The following RPS6KA2 variants were observed in gnomAD, a reference collection of about 807,000 sequenced individuals.
RPS6KA2 encodes ribosomal protein S6 kinase alpha-2.
RPS6KA2 carries 42 observed loss-of-function variants against 91.8 expected under a neutral mutation model. That is an observed-to-expected ratio of 0.46 (90% CI 0.36 to 0.59). The LOEUF (loss-of-function observed/expected upper bound fraction) is 0.59. Among genes scored for constraint, RPS6KA2 ranks in the 20% least tolerant of loss-of-function variants. RPS6KA2 has a pLI of 0.00. For missense variants in RPS6KA2, 798 were observed against 978.5 expected (o/e 0.82, Z 2.46); for synonymous variants, 414 against 393.6 (o/e 1.05, Z -0.61).
At chr6:166,616,741 GC>G (rs1302406248) in intron 1 of RPS6KA2, among the ~76,000 whole-genome samples, 6 of 152,332 alleles carry the variant, frequency 3.9e-5, no homozygotes, top group Middle Eastern at 3.4e-3. Flanking sequence ...GGGCCTGATG[GC>G]CACATGTGGG....
In RPS6KA2 at chr6:166,436,754, C is replaced by T. The variant is rs532022305; in HGVS notation, c.1333-4264G>A. Among the ~76,000 whole-genome samples the T allele has an allele frequency of 1.0e-3, 159 of 152,326 alleles. 1 individual carries two copies. The South Asian group carries it at 0.028, about 27-fold the overall frequency. On this transcript the variant is annotated intron_variant, in intron 14 of 20. Transcript: ENST00000265678. ...GGTTTGCATGGGAAATGGCGCTCCCCGTCCTGGAAGGGAAGTCCCACAGAC... is the reference window on the plus strand; with the variant it reads ...GGTTTGCATGGGAAATGGCGCTCCCTGTCCTGGAAGGGAAGTCCCACAGAC...
chr6:166,771,448 T>C (rs1312162685), intron 2 of RPS6KA2, among the ~76,000 whole-genome samples: 1 of 152,140 alleles, frequency 6.6e-6, no homozygotes, highest in East Asian at 1.9e-4. Flanking sequence ...CCTTTCTTCT[T>C]CCCAAGCCTC....
rs1299756694 is a variant in RPS6KA2, at chr6:166,415,481, G to A, written c.1939-1550C>T. Among the ~76,000 whole-genome samples the A allele has an allele frequency of 3.3e-5, 5 of 152,308 alleles. No homozygotes were observed. In the East Asian group the frequency reaches 9.6e-4, roughly 29 times the overall value. ...AGGAAGAGGCACAGGGGAAAGACGG[G>A]GGATGTGGTGGTGGTAGGGACTGGT... On this transcript the variant is annotated intron_variant, in intron 19 of 20. Coordinates refer to ENST00000265678, the MANE Select transcript of RPS6KA2 (RefSeq NM_021135.6).
At position 166,767,023 on chromosome 6, in the gene RPS6KA2, G is replaced by T. The variant is rs960288915; in HGVS notation, c.123+91177C>A. On this transcript the variant is annotated intron_variant, in intron 2 of 21. Coordinates refer to the RPS6KA2 transcript ENST00000503859. The surrounding 1 kb of genome is among the most constrained non-coding windows in gnomAD (Gnocchi z 4.6). ...CCCCCGAACCCTGCTGCACCCAGAA[G>T]TCTGCACCAACTCACCGCCACGAGA... 6.6e-6 allele frequency among the ~76,000 whole-genome samples: 1 copy of T among 152,132 alleles called. No homozygotes were observed. The highest frequency in any genetic ancestry group is 2.4e-5 in the African/African-American group (1 of 41,430).
intron 2 of RPS6KA2, among the ~76,000 whole-genome samples, chr6:166,802,808 C>T (rs961602951): frequency 6.6e-6 from 1 of 152,148 alleles, no homozygotes; most frequent in African/African-American, 2.4e-5. Flanking sequence ...GAAAATTAGA[C>T]AAGCCATCTT....
In RPS6KA2 at chr6:166,554,893, T is replaced by C. The variant is rs956313791; in HGVS notation, c.100-16109A>G. Reference sequence around the variant, plus strand: ...TGTCTCCAGTTTTACAAAGGTCAATTGGTAATTTACAAAACCTGATTTTGA... The same window carrying C: ...TGTCTCCAGTTTTACAAAGGTCAATCGGTAATTTACAAAACCTGATTTTGA... On this transcript the variant is annotated intron_variant, in intron 1 of 20. Coordinates refer to ENST00000265678, the MANE Select transcript of RPS6KA2 (RefSeq NM_021135.6). This position sits in a 1 kb window ranked among gnomAD's most constrained non-coding sequence, Gnocchi z 4.3. Among the ~76,000 whole-genome samples the C allele has an allele frequency of 6.6e-6, 1 of 152,242 alleles. No individual in the cohort carries two copies. Among genetic ancestry groups the C allele is most frequent in the East Asian group, 1.9e-4 (1 of 5,200 alleles).
At chr6:166,739,654 A>T (rs570833761) in intron 2 of RPS6KA2, among the ~76,000 whole-genome samples, 1 of 152,382 alleles carries the variant, frequency 6.6e-6, no homozygotes, top group East Asian at 1.9e-4. Context: ...CCCCACGGTC[A>T]TTGAGACCAA....
chr6:166,778,667 G>A (rs1008804905), intron 2 of RPS6KA2, among the ~76,000 whole-genome samples: 84 of 152,338 alleles, frequency 5.5e-4, no homozygotes, highest in African/African-American at 1.9e-3. Context: ...TCGGGAGGCT[G>A]AGGCAGGAGA....
chr6:166,625,974 A>G (rs1786857660), intron 1 of RPS6KA2, among the ~76,000 whole-genome samples: 1 of 152,240 alleles, frequency 6.6e-6, no homozygotes, highest in Admixed American at 6.5e-5. Context: ...AAGAAAACCA[A>G]GATGAAACAT....
At chr6:166,649,011 C>A (rs1215828945) in intron 2 of RPS6KA2, among the ~76,000 whole-genome samples, 1 of 152,118 alleles carries the variant, frequency 6.6e-6, no homozygotes, top group African/African-American at 2.4e-5. Flanking sequence ...AATATGTTAC[C>A]AAAGCATTAT....
In RPS6KA2 at chr6:166,562,726, A is replaced by T. The variant is rs564973564; in HGVS notation, c.100-23942T>A. 2.6e-5 allele frequency among the ~76,000 whole-genome samples: 4 copies of T among 152,364 alleles called. No individual in the cohort carries two copies. The South Asian group carries it at 8.3e-4, about 32-fold the overall frequency. On this transcript the variant is annotated intron_variant, in intron 1 of 20. Coordinates refer to ENST00000265678, the MANE Select transcript of RPS6KA2 (RefSeq NM_021135.6). ...CAACATTCCAAGAAACAGCCTCAGA[A>T]GAGGTTTATCCCAGGTGCTGGAAGT...
intron 2 of RPS6KA2, among the ~76,000 whole-genome samples, chr6:166,723,469 G>A (rs1015271175): frequency 2.6e-5 from 4 of 152,144 alleles, no homozygotes; most frequent in Non-Finnish European, 4.4e-5. Flanking sequence ...TGTATGCACC[G>A]CCTTCCTCAG....
intron 12 of RPS6KA2, among the ~76,000 whole-genome samples, chr6:166,457,697 A>C (rs1235846939): frequency 6.6e-6 from 1 of 152,096 alleles, no homozygotes. Flanking sequence ...GCCTAGGCCC[A>C]TCAAAAGTCC....
At chr6:166,530,234 C>G (rs558606175) in intron 3 of RPS6KA2, among the ~76,000 whole-genome samples, 1 of 152,366 alleles carries the variant, frequency 6.6e-6, no homozygotes, top group East Asian at 1.9e-4. Context: ...CATGAGCTCC[C>G]TGCTCTGCCA....
chr6:166,810,801 G>A (rs1174619962), intron 2 of RPS6KA2, among the ~76,000 whole-genome samples: 1 of 152,198 alleles, frequency 6.6e-6, no homozygotes, highest in East Asian at 1.9e-4. Context: ...TCCTGCCTAA[G>A]CCCAGGCTCA....
chr6:166,536,244 C>G (rs1183492222), intron 2 of RPS6KA2, among the ~76,000 whole-genome samples: 1 of 152,244 alleles, frequency 6.6e-6, no homozygotes, highest in Non-Finnish European at 1.5e-5. Flanking sequence ...CAGGTCTTTG[C>G]TCTTTGGAGC....
chr6:166,417,019 G>A (rs1290670358), intron 19 of RPS6KA2, among the ~76,000 whole-genome samples: 5 of 152,312 alleles, frequency 3.3e-5, no homozygotes, highest in Admixed American at 2.0e-4. Context: ...ACATGAACAC[G>A]GGAACAGCTG....
At chr6:166,771,268 A>C (rs1169391947) in intron 2 of RPS6KA2, among the ~76,000 whole-genome samples, 2 of 152,256 alleles carry the variant, frequency 1.3e-5, no homozygotes, top group Admixed American at 6.5e-5. Context: ...AGTGACGAGC[A>C]GGCAAATGCT....
chr6:166,574,272 G>C (rs781274273), intron 1 of RPS6KA2, among the ~76,000 whole-genome samples: 1 of 152,194 alleles, frequency 6.6e-6, no homozygotes, highest in Non-Finnish European at 1.5e-5. Flanking sequence ...CGGGTACTGA[G>C]CACAGTACCC....
Sources: gnomAD v4.1 joint callset for allele counts (sites outside exome capture counted in the v4.1 genomes callset) on GRCh38, gnomAD v4.1.1 for gene constraint, Gnocchi (gnomAD v3.1) non-coding constraint, MANE v1.5 for transcripts, NCBI Gene and HGNC (gene_info 2026-07-23, HGNC 2026-07-21) for gene names.